The following AJAP1 variants were observed in gnomAD, a reference collection of about 807,000 sequenced individuals.
AJAP1 encodes adherens junctions associated protein 1, also known as adherens junction-associated protein 1.
AJAP1 carries 5 observed loss-of-function variants against 35.0 expected under a neutral mutation model. That is an observed-to-expected ratio of 0.14 (90% CI 0.07 to 0.30). AJAP1 has a LOEUF of 0.30. Ranked by LOEUF, AJAP1 falls within the 10% of genes least tolerant of loss-of-function variation. AJAP1 has a pLI of 1.00. For missense variants in AJAP1, 586 were observed against 571.0 expected, an observed-to-expected ratio of 1.03 and a Z score of -0.27; for synonymous variants, 284 against 249.3, an observed-to-expected ratio of 1.14 and a Z score of -1.31.
Position 4,706,390 on chromosome 1 carries a change from G to A in AJAP1, c.30-5510G>A, listed in dbSNP as rs184216299. Among the ~76,000 whole-genome samples the A allele has an allele frequency of 1.2e-3, 181 of 152,332 alleles. 2 individuals are homozygous for A. The highest frequency in any genetic ancestry group is 4.2e-3 in the African/African-American group (174 of 41,576). ...TGGTATGAATGACAGAAAAACTGGG[G>A]CTTGCAGAGTGGGAAGCTACAAGCC... On this transcript the variant is annotated intron_variant, in intron 1 of 5. Transcript: ENST00000378191.
chr1:4,696,603 G>A (rs920293419), intron 1 of AJAP1, among the ~76,000 whole-genome samples: 7 of 152,254 alleles, frequency 4.6e-5, no homozygotes, highest in Non-Finnish European at 1.0e-4. Context: ...GGGTGGCCAA[G>A]GCGGTGGGAT....
intron 1 of AJAP1, among the ~76,000 whole-genome samples, chr1:4,704,172 T>A (rs1037872159): frequency 2.0e-5 from 3 of 151,338 alleles, no homozygotes; most frequent in Non-Finnish European, 4.4e-5. Flanking sequence ...TTTTTTTTTT[T>A]ATACTTTAAG....
chr1:4,743,499 C>T (rs541344055), intron 2 of AJAP1, among the ~76,000 whole-genome samples: 4 of 152,268 alleles, frequency 2.6e-5, no homozygotes, highest in South Asian at 2.1e-4. Context: ...CCTGCATATT[C>T]GTTCATCCAG....
intron 2 of AJAP1, among the ~76,000 whole-genome samples, chr1:4,748,279 G>A (rs897630635): frequency 2.0e-5 from 3 of 152,282 alleles, no homozygotes; most frequent in East Asian, 1.9e-4. Flanking sequence ...GGTGCATCAC[G>A]TGCGTGATCA....
rs1642250878 is a variant in AJAP1 at position 4,791,692 on chromosome 1, T to C, written c.*9207T>C. Reference sequence around the variant, plus strand: ...ATTGGCCATTGGGCGTATCTGGGCATTGGTATGGAATAAACAGGATACTCA... The same window carrying C: ...ATTGGCCATTGGGCGTATCTGGGCACTGGTATGGAATAAACAGGATACTCA... On this transcript the variant is annotated 3_prime_UTR_variant, in exon 6 of 6. Coordinates refer to ENST00000378191, the MANE Select transcript of AJAP1 (RefSeq NM_018836.4). 6.6e-6 allele frequency: 1 copy of C among 152,222 alleles called. No homozygotes were observed. The highest frequency in any genetic ancestry group is 2.4e-5 in the African/African-American group (1 of 41,456). The allele number at this position is 152,222 out of a possible 1,614,324, so 9.4% of individuals were successfully genotyped here.
chr1:4,742,616 T>C (rs1180610205), intron 2 of AJAP1, among the ~76,000 whole-genome samples: 2 of 152,168 alleles, frequency 1.3e-5, no homozygotes, highest in African/African-American at 4.8e-5. Context: ...TCGAAATTTT[T>C]TTTAACTATA....
intron 1 of AJAP1, among the ~76,000 whole-genome samples, chr1:4,658,242 C>T (rs1008623863): frequency 3.8e-4 from 58 of 152,320 alleles, no homozygotes; most frequent in African/African-American, 1.2e-3. Context: ...CATGTCCCTG[C>T]GGCCATCCCA....
chr1:4,682,706 GTAA>G (rs1193122201), intron 1 of AJAP1, among the ~76,000 whole-genome samples: 2 of 152,068 alleles, frequency 1.3e-5, no homozygotes, highest in Non-Finnish European at 2.9e-5. Flanking sequence ...GAGGATAGTG[GTAA>G]TGATGATAAT....
chr1:4,671,368 CAAAA>C (rs35552154), intron 1 of AJAP1, among the ~76,000 whole-genome samples: 4 of 128,708 alleles, frequency 3.1e-5, no homozygotes, highest in African/African-American at 3.0e-5. Flanking sequence ...GACTCTGCCT[CAAAA>C]AAAAAAAAAA....
chr1:4,662,542 G>A (rs1167444627), intron 1 of AJAP1, among the ~76,000 whole-genome samples: 1 of 152,192 alleles, frequency 6.6e-6, no homozygotes, highest in Non-Finnish European at 1.5e-5. Context: ...CATGAACTTC[G>A]CGTGCACGCC....
chr1:4,712,819 G>T, intron 2 of AJAP1, 120 bp downstream of exon 2: 15 of 1,089,640 alleles, frequency 1.4e-5, no homozygotes, highest in Non-Finnish European at 1.9e-5. Context: ...GGAGATGCAG[G>T]CGTGATGTGT....
intron 1 of AJAP1, among the ~76,000 whole-genome samples, chr1:4,666,115 G>A (rs547456583): frequency 2.5e-4 from 38 of 151,230 alleles, no homozygotes; most frequent in East Asian, 1.8e-3. Flanking sequence ...GGGGCACCCC[G>A]CAGTGAAATA....
In AJAP1 at chr1:4,698,297, G is replaced by A. The variant is rs577695257; in HGVS notation, c.30-13603G>A. Among the ~76,000 whole-genome samples, 145 of 152,282 alleles carry A rather than the reference G, an allele frequency of 9.5e-4. 3 individuals are homozygous for A. In the South Asian group the frequency reaches 0.029, roughly 30 times the overall value. On this transcript the variant is annotated intron_variant, in intron 1 of 5. Transcript: ENST00000378191. The stretch of plus-strand genomic sequence containing the variant: ...CTGTCCCCTGAGAGCCTCTAGGGCT[G>A]TGCTTATTCTCAGGAGCCACATGCT...
intron 1 of AJAP1, among the ~76,000 whole-genome samples, chr1:4,710,922 G>C (rs578256883): frequency 6.5e-4 from 99 of 152,278 alleles, no homozygotes; most frequent in Admixed American, 1.2e-3. Context: ...CTGGGGAGGG[G>C]CCGCCCCGCC....
At chr1:4,763,931 C>T (rs896345062) in intron 2 of AJAP1, among the ~76,000 whole-genome samples, 9 of 151,548 alleles carry the variant, frequency 5.9e-5, no homozygotes, top group Non-Finnish European at 1.2e-4. Flanking sequence ...CTCCCCACAC[C>T]TTCCAAGGTT....
intron 5 of AJAP1, among the ~76,000 whole-genome samples, chr1:4,779,489 T>C (rs1009882406): frequency 6.6e-6 from 1 of 151,926 alleles, no homozygotes; most frequent in Non-Finnish European, 1.5e-5. Flanking sequence ...TGGGAACACC[T>C]CCGGAGCACA....
chr1:4,751,329 A>C (rs115240934), intron 2 of AJAP1, among the ~76,000 whole-genome samples: 3 of 152,168 alleles, frequency 2.0e-5, no homozygotes, highest in Non-Finnish European at 4.4e-5. Flanking sequence ...GCTCAGTTCC[A>C]GAATGTAGCT....
chr1:4,711,801 G>A (rs1198220903), intron 1 of AJAP1, 99 bp from the exon 2 acceptor site: 5 of 933,000 alleles, frequency 5.4e-6, no homozygotes, highest in African/African-American at 5.2e-5. Context: ...AGAAGAGAGC[G>A]TCCTTGTCAC....
In AJAP1 at chr1:4,692,574, C is replaced by T. The variant is rs141581485; in HGVS notation, c.30-19326C>T. 7.2e-5 allele frequency among the ~76,000 whole-genome samples: 11 copies of T among 152,370 alleles called. No homozygotes were observed. The East Asian group carries it at 2.1e-3, about 29-fold the overall frequency. ...CCCCAGCCTGGCCTCCGCAGGCCTCCTGACCATGGCGGGGCCTTCCCTAGT... is the reference window on the plus strand; with the variant it reads ...CCCCAGCCTGGCCTCCGCAGGCCTCTTGACCATGGCGGGGCCTTCCCTAGT... On this transcript the variant is annotated intron_variant, in intron 1 of 5. Coordinates refer to ENST00000378191, the MANE Select transcript of AJAP1 (RefSeq NM_018836.4). This position sits in a 1 kb window ranked among gnomAD's most constrained non-coding sequence, Gnocchi z 4.4.
Sources: gnomAD v4.1 joint callset for allele counts (sites outside exome capture counted in the v4.1 genomes callset) on GRCh38, gnomAD v4.1.1 for gene constraint, Gnocchi (gnomAD v3.1) non-coding constraint, MANE v1.5 for transcripts, NCBI Gene and HGNC (gene_info 2026-07-23, HGNC 2026-07-21) for gene names.